ZNF664: variants seen among roughly 807,000 people sequenced by gnomAD.
ZNF664 encodes zinc finger protein 664, also known as zinc finger Organ of Corti 1.
Under a neutral mutation model 18.2 loss-of-function variants are expected in ZNF664, and 10 were observed. The observed-to-expected ratio is 0.55, with a 90% CI of 0.34 to 0.93. The LOEUF (loss-of-function observed/expected upper bound fraction) is 0.93. Among genes scored for constraint, ZNF664 ranks in the 40% least tolerant of loss-of-function variants. ZNF664 has a pLI of 0.02. For missense variants in ZNF664, 193 were observed against 319.0 expected (o/e 0.61, Z 3.01); for synonymous variants, 119 against 104.2 (o/e 1.14, Z -0.86).
chr12:123,992,461 T>G (rs1446700526), intron 3 of ZNF664, among the ~76,000 whole-genome samples: 4 of 152,162 alleles, frequency 2.6e-5, no homozygotes, highest in Non-Finnish European at 4.4e-5. Flanking sequence ...ATCCTAAATT[T>G]AGTTGGAGAA....
Position 124,014,231 on chromosome 12 carries a change from T to C in ZNF664, c.*1301T>C, listed in dbSNP as rs561008878. ...AGTGGTCAGGGAGGCCTTTCCGCGG[T>C]GGGATGTTGAGCTGAGGCCGGAGGA... On this transcript the variant is annotated 3_prime_UTR_variant, in exon 5 of 5. Coordinates refer to ENST00000337815, the MANE Select transcript of ZNF664 (RefSeq NM_152437.3). 3.0e-5 allele frequency: 5 copies of C among 166,422 alleles called. No homozygotes were observed. The East Asian group carries it at 5.8e-4, about 19-fold the overall frequency. 10.3% of individuals were successfully genotyped at this position (166,422 alleles called of 1,614,324 possible).
chr12:124,009,858 T>G (rs1365604776), intron 3 of ZNF664, among the ~76,000 whole-genome samples: 1 of 151,226 alleles, frequency 6.6e-6, no homozygotes. Context: ...GCAGAAACGG[T>G]AGCATAGAAC....
At chr12:124,011,066 G>C (rs902183752) in intron 3 of ZNF664, among the ~76,000 whole-genome samples, 5 of 152,188 alleles carry the variant, frequency 3.3e-5, no homozygotes, top group Admixed American at 2.6e-4. Flanking sequence ...ACAAGTAGGA[G>C]AATGACATTT....
Position 124,012,116 on chromosome 12 carries a change from C to G in ZNF664, c.-29C>G. On this transcript the variant is annotated 5_prime_UTR_variant, in exon 5 of 5. Coordinates refer to ENST00000337815, the MANE Select transcript of ZNF664 (RefSeq NM_152437.3). ...TGTAGTAATCATAAGGAAATTTTCT[C>G]CTTGAAATCACGATACCAAATAGGA... 1 of 1,576,124 alleles carries G rather than the reference C, an allele frequency of 6.3e-7. No homozygotes were observed. The highest frequency in any genetic ancestry group is 8.6e-7 in the Non-Finnish European group (1 of 1,167,556).
rs892264258 is a variant in ZNF664, at chr12:124,011,259, T to G, written c.-660-122T>G. Reference sequence around the variant, plus strand: ...TCACATGTAGGTCTTTTTGAGGATTTCTTTTCTCTTTCAATAATGTTCCCC... The same window carrying G: ...TCACATGTAGGTCTTTTTGAGGATTGCTTTTCTCTTTCAATAATGTTCCCC... On this transcript the variant is annotated intron_variant, in intron 3 of 4. Transcript: ENST00000337815. 8.1e-6 allele frequency: 8 copies of G among 982,550 alleles called. No individual in the cohort carries two copies. In the Middle Eastern group the frequency reaches 1.6e-3, roughly 191 times the overall value. 60.9% of individuals were successfully genotyped at this position (982,550 alleles called of 1,614,324 possible).
intron 3 of ZNF664, among the ~76,000 whole-genome samples, chr12:124,002,851 G>T (rs966327420): frequency 3.3e-5 from 5 of 150,996 alleles, no homozygotes; most frequent in Non-Finnish European, 7.4e-5. Context: ...TTTAGATCAC[G>T]TGACTGGTGA....
At chr12:124,000,436 C>T (rs1956998207) in intron 3 of ZNF664, among the ~76,000 whole-genome samples, 1 of 152,192 alleles carries the variant, frequency 6.6e-6, no homozygotes. Context: ...TGGATCCTGT[C>T]TCCATTGGCC....
intron 2 of ZNF664, among the ~76,000 whole-genome samples, chr12:123,983,113 C>T (rs555739615): frequency 6.6e-6 from 1 of 152,254 alleles, no homozygotes; most frequent in South Asian, 2.1e-4. Context: ...CGCCACTGTA[C>T]TCCAGCCTGG....
chr12:123,988,414 C>T (rs1956849500), intron 3 of ZNF664, among the ~76,000 whole-genome samples: 1 of 152,112 alleles, frequency 6.6e-6, no homozygotes, highest in Non-Finnish European at 1.5e-5. Context: ...CCATGTGAAC[C>T]ATTGGTTATT....
chr12:124,006,988 G>C (rs1957080450), intron 3 of ZNF664, among the ~76,000 whole-genome samples: 1 of 152,164 alleles, frequency 6.6e-6, no homozygotes, highest in Non-Finnish European at 1.5e-5. Flanking sequence ...ACCTGTATCT[G>C]CCTCTGGATT....
rs1054736645 is a variant in ZNF664, at chr12:124,014,356, G to A, written c.*1426G>A. On this transcript the variant is annotated 3_prime_UTR_variant, in exon 5 of 5. Coordinates refer to ENST00000337815, the MANE Select transcript of ZNF664 (RefSeq NM_152437.3). ...CTGGCATTCGCAAGCAGTGGGGAAG[G>A]GGAGAGATGCCGAGGTGGTCAGTAT... 6.0e-6 allele frequency: 1 copy of A among 167,102 alleles called. No homozygotes were observed. Among genetic ancestry groups the A allele is most frequent in the Non-Finnish European group, 1.5e-5 (1 of 68,182 alleles). 10.4% of individuals were successfully genotyped at this position (167,102 alleles called of 1,614,324 possible). A position where few individuals can be genotyped will look rare whatever the true frequency, so the allele number is the denominator to read the frequency against.
intron 3 of ZNF664, among the ~76,000 whole-genome samples, chr12:124,007,928 G>A (rs1411221519): frequency 6.6e-6 from 1 of 152,054 alleles, no homozygotes; most frequent in Non-Finnish European, 1.5e-5. Context: ...CATCTCTAAG[G>A]CTGTAGACAT....
chr12:123,985,075 A>G (rs1275016968), intron 2 of ZNF664, among the ~76,000 whole-genome samples: 1 of 152,010 alleles, frequency 6.6e-6, no homozygotes, highest in African/African-American at 2.4e-5. Context: ...GGGGTACAGA[A>G]TGGTGTGTGG....
chr12:123,994,531 TAA>T (rs1956925225), intron 3 of ZNF664, among the ~76,000 whole-genome samples: 1 of 152,220 alleles, frequency 6.6e-6, no homozygotes, highest in South Asian at 2.1e-4. Context: ...GGAGTTTAAA[TAA>T]AAGACATCTG....
At chr12:123,990,353 A>G (rs1433396774) in intron 3 of ZNF664, among the ~76,000 whole-genome samples, 2 of 152,150 alleles carry the variant, frequency 1.3e-5, no homozygotes, top group African/African-American at 4.8e-5. Flanking sequence ...TGACCCCCTA[A>G]CTACTGTTGC....
chr12:123,978,588 T>G (rs1209940607), intron 2 of ZNF664, among the ~76,000 whole-genome samples: 3 of 152,184 alleles, frequency 2.0e-5, no homozygotes, highest in African/African-American at 7.2e-5. Flanking sequence ...ACCTCCAAAT[T>G]AAACTATGAT....
At chr12:123,975,503 C>T (rs760734646) in intron 2 of ZNF664, among the ~76,000 whole-genome samples, 2 of 151,750 alleles carry the variant, frequency 1.3e-5, no homozygotes, top group Non-Finnish European at 2.9e-5. Context: ...TAGTTCACTG[C>T]AGCCTGGGAC....
rs1457996585 is a variant in ZNF664, at chr12:124,014,805, T to C, written c.*1875T>C. 6.0e-6 allele frequency: 1 copy of C among 166,056 alleles called. No homozygotes were observed. Among genetic ancestry groups the C allele is most frequent in the Non-Finnish European group, 1.5e-5 (1 of 68,114 alleles). 10.3% of individuals were successfully genotyped at this position (166,056 alleles called of 1,614,324 possible). A position where few individuals can be genotyped will look rare whatever the true frequency, so the allele number is the denominator to read the frequency against. On this transcript the variant is annotated 3_prime_UTR_variant, in exon 5 of 5. Transcript: ENST00000337815. ...AAGGAGATTTAAAAGGAGCACATGATTTAGTGGGTGGGCCATGAAACTAGA... is the reference window on the plus strand; with the variant it reads ...AAGGAGATTTAAAAGGAGCACATGACTTAGTGGGTGGGCCATGAAACTAGA...
chr12:123,981,330 A>G (rs909676882), intron 2 of ZNF664, among the ~76,000 whole-genome samples: 12 of 152,204 alleles, frequency 7.9e-5, no homozygotes, highest in Non-Finnish European at 1.2e-4. Context: ...TTAATCCCCA[A>G]TGTGACAGTG....
Sources: gnomAD v4.1 joint callset for allele counts (sites outside exome capture counted in the v4.1 genomes callset) on GRCh38, gnomAD v4.1.1 for gene constraint, MANE v1.5 for transcripts, NCBI Gene and HGNC (gene_info 2026-07-23, HGNC 2026-07-21) for gene names.